DNAJC13: variants seen among roughly 807,000 people sequenced by gnomAD.
The protein encoded by DNAJC13 is DnaJ heat shock protein family (Hsp40) member C13, also known as dnaJ homolog subfamily C member 13.
DNAJC13 carries 75 observed loss-of-function variants against 290.5 expected under a neutral mutation model. The observed-to-expected ratio is 0.26, with a 90% confidence interval of 0.21 to 0.31. DNAJC13 has a LOEUF of 0.31. DNAJC13 is among the 10% of genes least tolerant of loss of function. The pLI, the probability that DNAJC13 is intolerant of heterozygous loss-of-function variation, is 1.00. For synonymous variants in DNAJC13, 862 were observed against 892.0 expected (o/e 0.97, Z 0.60); for missense variants, 2,260 against 2,674.5 (o/e 0.85, Z 3.42).
intron 20 of DNAJC13, among the ~76,000 whole-genome samples, chr3:132,469,504 G>C (rs893325576): frequency 1.3e-5 from 2 of 152,160 alleles, no homozygotes; most frequent in Non-Finnish European, 2.9e-5. Flanking sequence ...CAGTCACTTA[G>C]TTTATGGAGA....
intron 22 of DNAJC13, among the ~76,000 whole-genome samples, chr3:132,475,819 G>A (rs906700221): frequency 1.3e-5 from 2 of 151,960 alleles, no homozygotes; most frequent in African/African-American, 4.8e-5. Context: ...GCTTCATCTC[G>A]CTGACCACTA....
At position 132,539,030 on chromosome 3, in the gene DNAJC13, A is replaced by G. The variant is rs1241838416; in HGVS notation, c.*748A>G. 6.6e-6 allele frequency: 1 copy of G among 152,652 alleles called. No individual in the cohort carries two copies. Among genetic ancestry groups the G allele is most frequent in the Non-Finnish European group, 1.5e-5 (1 of 68,040 alleles). The allele number at this position is 152,652 out of a possible 1,614,324, so 9.5% of individuals were successfully genotyped here. A position where few individuals can be genotyped will look rare whatever the true frequency, so the allele number is the denominator to read the frequency against. ...AAGGGAATTGACTGCTTTGTTAATG[A>G]GATATATTTGTTCTAGTTTAATCTT... On this transcript the variant is annotated 3_prime_UTR_variant, in exon 56 of 56. Transcript: ENST00000260818.
intron 29 of DNAJC13, among the ~76,000 whole-genome samples, chr3:132,485,818 C>T (rs1290410356): frequency 6.6e-6 from 1 of 152,158 alleles, no homozygotes; most frequent in Non-Finnish European, 1.5e-5. Flanking sequence ...TTGCATTATT[C>T]TGCTTTTTTG....
rs774214873 is a variant in DNAJC13, at chr3:132,478,168, A to G, written c.2709+28A>G. On this transcript the variant is annotated intron_variant, in intron 24 of 55. Transcript: ENST00000260818. ...AAGGATATCATTTAAGGAAATTACT[A>G]TTTGATAGTGTCACTAGGGTATGTG... 26 of 1,567,416 alleles carry G rather than the reference A, an allele frequency of 1.7e-5. No individual in the cohort carries two copies. In the East Asian group the frequency reaches 3.2e-4, roughly 19 times the overall value.
chr3:132,481,055 A>T (rs1934654809), intron 26 of DNAJC13, among the ~76,000 whole-genome samples: 1 of 152,166 alleles, frequency 6.6e-6, no homozygotes, highest in Non-Finnish European at 1.5e-5. Flanking sequence ...TAACTTTTTG[A>T]ATCCCCCAAC....
chr3:132,461,336 C>T (rs780700405), intron 15 of DNAJC13, 131 bp downstream of exon 15: 15 of 905,798 alleles, frequency 1.7e-5, no homozygotes, highest in Non-Finnish European at 2.4e-5. Context: ...TCCTGGGCCA[C>T]ACTGAAAGAA....
chr3:132,522,193 A>G (rs1936112576), intron 48 of DNAJC13, among the ~76,000 whole-genome samples: 1 of 152,190 alleles, frequency 6.6e-6, no homozygotes, highest in South Asian at 2.1e-4. Flanking sequence ...GACACGGAGA[A>G]GAGATAAACG....
At chr3:132,505,524 G>T in intron 42 of DNAJC13, 109 bp downstream of exon 42, 2 of 715,188 alleles carry the variant, frequency 2.8e-6, no homozygotes, top group Non-Finnish European at 4.7e-6. Flanking sequence ...TTTAGTGTCA[G>T]TCAGTATGGC....
At chr3:132,527,623 A>T (rs1936300213) in intron 53 of DNAJC13, among the ~76,000 whole-genome samples, 1 of 152,234 alleles carries the variant, frequency 6.6e-6, no homozygotes, top group African/African-American at 2.4e-5. Context: ...CAAGGTTGTT[A>T]TGAGAACAGT....
At chr3:132,462,600 T>G in intron 16 of DNAJC13, 77 bp downstream of exon 16, 1 of 996,360 alleles carries the variant, frequency 1.0e-6, no homozygotes, top group Non-Finnish European at 1.5e-6. Flanking sequence ...CAATATTGCC[T>G]TTCAGTCTTT....
intron 5 of DNAJC13, 37 bp downstream of exon 5, chr3:132,447,976 T>C: frequency 7.5e-7 from 1 of 1,337,626 alleles, no homozygotes; most frequent in Non-Finnish European, 1.1e-6. Context: ...TTTTATTTGT[T>C]CAAATGTTGC....
chr3:132,486,082 C>CT (rs758049804), intron 29 of DNAJC13, among the ~76,000 whole-genome samples: 16,097 of 40,434 alleles, frequency 0.4, 5,701 homozygotes, highest in Non-Finnish European at 0.49. Context: ...ATGCCCTATC[C>CT]TTTTTTTTTT....
At chr3:132,501,045 G>T in intron 39 of DNAJC13, 132 bp downstream of exon 39, 1 of 1,206,136 alleles carries the variant, frequency 8.3e-7, no homozygotes. Context: ...ATTTCTAAAA[G>T]CATTTTTCAC....
In DNAJC13 at chr3:132,488,987, A is replaced by G; in HGVS notation, c.3434A>G (p.Tyr1145Cys). ...ATTTTTCTTTCTAGATTTTTGAAAT[A>G]CACACATACCAAACAGGCTTTCAAG... ...NVLPVARFLK[Y>C]THTKQAFKSE... is the part of the protein sequence containing the mutation. Residue 1145 changes from tyrosine (Y) to cysteine (C), a missense_variant, in exon 31 of 56, where the codon TAC becomes TGC. Physicochemically the swap from Tyr to Cys is radical, Grantham distance 194. Transcript: ENST00000260818. The G allele has an allele frequency of 6.2e-7, 1 of 1,609,448 alleles. No individual in the cohort carries two copies. Among genetic ancestry groups the G allele is most frequent in the Non-Finnish European group, 8.5e-7 (1 of 1,176,338 alleles).
chr3:132,514,362 G>A (rs1325218057), intron 45 of DNAJC13, among the ~76,000 whole-genome samples: 1 of 152,054 alleles, frequency 6.6e-6, no homozygotes, highest in Non-Finnish European at 1.5e-5. Flanking sequence ...GAGCATGTAT[G>A]GGTATAGGAT....
Position 132,538,336 on chromosome 3 carries a change from T to C in DNAJC13, c.*54T>C, listed in dbSNP as rs2107763323. ...AAGGCCAGTGCCAAGTCCACATTCC[T>C]CCAGCTGATACGTTGAAGCAAACTC... On this transcript the variant is annotated 3_prime_UTR_variant, in exon 56 of 56. Coordinates refer to ENST00000260818, the MANE Select transcript of DNAJC13 (RefSeq NM_015268.4). 7.0e-7 allele frequency: 1 copy of C among 1,429,150 alleles called. No individual in the cohort carries two copies. The highest frequency in any genetic ancestry group is 2.3e-5 in the East Asian group (1 of 43,626). The allele number at this position is 1,429,150 out of a possible 1,614,324, so 88.5% of individuals were successfully genotyped here.
intron 6 of DNAJC13, among the ~76,000 whole-genome samples, chr3:132,452,067 A>G (rs1371823859): frequency 6.6e-6 from 1 of 152,196 alleles, no homozygotes; most frequent in African/African-American, 2.4e-5. Context: ...GTAATTTGGA[A>G]TGTTTAACAT....
At chr3:132,492,350 T>A in intron 32 of DNAJC13, 64 bp from the exon 33 acceptor site, 1 of 1,483,046 alleles carries the variant, frequency 6.7e-7, no homozygotes, top group South Asian at 1.2e-5. Context: ...CATGATTATG[T>A]ATCTCAACCT....
Position 132,514,660 on chromosome 3 carries a change from A to G in DNAJC13, c.5475A>G (p.Ser1825=), listed in dbSNP as rs1935870260. 1 of 1,609,476 alleles carries G rather than the reference A, an allele frequency of 6.2e-7. No individual in the cohort carries two copies. Residue 1825 remains serine (S), a synonymous_variant, in exon 46 of 56, where the codon TCA becomes TCG. Coordinates refer to ENST00000260818, the MANE Select transcript of DNAJC13 (RefSeq NM_015268.4). ...VLSSLLALLH[S]LPSSRQLVLE... is the part of the protein sequence containing the mutation. Reference sequence around the variant, plus strand: ...CCAGTTTATTGGCTCTTCTACATTCATTGCCATCAAGTATGTATACAGATG... The same window carrying G: ...CCAGTTTATTGGCTCTTCTACATTCGTTGCCATCAAGTATGTATACAGATG...
Sources: allele counts gnomAD v4.1 joint callset (sites outside exome capture counted in the v4.1 genomes callset), GRCh38; gene constraint gnomAD v4.1.1; transcripts MANE v1.5; gene names NCBI Gene and HGNC (gene_info 2026-07-23, HGNC 2026-07-21).